Variants in TNKS observed in about 807,000 individuals in gnomAD.
TNKS encodes tankyrase, also known as poly [ADP-ribose] polymerase tankyrase-1.
TNKS carries 72 observed loss-of-function variants against 135.8 expected under a neutral mutation model. The observed-to-expected ratio is 0.53, with a 90% CI of 0.44 to 0.64. TNKS has a LOEUF of 0.64. Among genes scored for constraint, TNKS ranks in the 30% least tolerant of loss-of-function variants. The pLI is 0.00. For synonymous variants in TNKS, 849 were observed against 649.3 expected (o/e 1.31, Z -4.68); for missense variants, 1,769 against 1,674.0 (o/e 1.06, Z -0.99).
rs191579846 is a variant in TNKS, at chr8:9,656,538, T to C, written c.995-23413T>C. 5.3e-5 allele frequency among the ~76,000 whole-genome samples: 8 copies of C among 151,686 alleles called. No homozygotes were observed. In the East Asian group the frequency reaches 1.5e-3, roughly 29 times the overall value. ...GGAAGCCCATCAGACTAACAGCTGA[T>C]CTCTCGGCAGAAACTCTGCAAGCCA... On this transcript the variant is annotated intron_variant, in intron 3 of 26. Coordinates refer to ENST00000310430, the MANE Select transcript of TNKS (RefSeq NM_003747.3).
At chr8:9,598,317 G>T (rs1051522506) in intron 2 of TNKS, among the ~76,000 whole-genome samples, 11 of 152,042 alleles carry the variant, frequency 7.2e-5, no homozygotes, top group Non-Finnish European at 1.3e-4. Flanking sequence ...AAAGTGCTGG[G>T]ATTACAGGTG....
At chr8:9,627,319 C>A (rs979050288) in intron 3 of TNKS, among the ~76,000 whole-genome samples, 1 of 152,136 alleles carries the variant, frequency 6.6e-6, no homozygotes, top group Admixed American at 6.5e-5. Flanking sequence ...TTTCTGTGAG[C>A]CACTCTAGCA....
At chr8:9,649,149 T>G (rs1048424903) in intron 3 of TNKS, among the ~76,000 whole-genome samples, 1 of 152,208 alleles carries the variant, frequency 6.6e-6, no homozygotes, top group African/African-American at 2.4e-5. Flanking sequence ...GCTATACTTG[T>G]TAGATTTTAA....
Position 9,658,063 on chromosome 8 carries a change from C to T in TNKS, c.995-21888C>T, listed in dbSNP as rs1317614134. Among the ~76,000 whole-genome samples, 355 of 87,188 alleles carry T rather than the reference C, an allele frequency of 4.1e-3. 1 individual carries two copies. Among genetic ancestry groups the T allele is most frequent in the Admixed American group, 5.7e-3 (53 of 9,332 alleles). The allele number at this position is 87,188 out of a possible 152,430, so 57.2% of individuals were successfully genotyped here. A position where few individuals can be genotyped will look rare whatever the true frequency, so the allele number is the denominator to read the frequency against. The stretch of plus-strand genomic sequence containing the variant: ...CGATGGGCGGCCGGGCAGAGACGCT[C>T]CTCACTTCCTAGATGTGATGGCGGC... On this transcript the variant is annotated intron_variant, in intron 3 of 26. Transcript: ENST00000310430.
intron 1 of TNKS, among the ~76,000 whole-genome samples, chr8:9,564,420 G>C (rs1797448670): frequency 6.6e-6 from 1 of 152,114 alleles, no homozygotes; most frequent in African/African-American, 2.4e-5. Context: ...AAGTAATCAA[G>C]GAATGTGAAT....
chr8:9,709,533 C>T (rs886340582), intron 9 of TNKS, among the ~76,000 whole-genome samples: 2 of 152,156 alleles, frequency 1.3e-5, no homozygotes, highest in Non-Finnish European at 2.9e-5. Context: ...GGCATATAAA[C>T]GTCTCCTGTA....
chr8:9,670,222 T>C (rs1802212675), intron 3 of TNKS: 1 of 152,182 alleles, frequency 6.6e-6, no homozygotes, highest in South Asian at 2.1e-4. Flanking sequence ...GAAGAAGGCA[T>C]GTTAGTGGTT....
At chr8:9,711,180 G>C (rs929888487) in intron 11 of TNKS, among the ~76,000 whole-genome samples, 1 of 151,978 alleles carries the variant, frequency 6.6e-6, no homozygotes, top group Non-Finnish European at 1.5e-5. Flanking sequence ...AAAAATCCTA[G>C]CATTTCAATT....
intron 11 of TNKS, 161 bp downstream of exon 11, chr8:9,710,381 CTT>C: frequency 1.5e-6 from 1 of 668,334 alleles, no homozygotes; most frequent in Non-Finnish European, 2.6e-6. Context: ...TGATTTAGAT[CTT>C]GTTTCTAATA....
At chr8:9,597,953 A>ATTTT (rs548240107) in intron 2 of TNKS, among the ~76,000 whole-genome samples, 5 of 152,280 alleles carry the variant, frequency 3.3e-5, no homozygotes, top group African/African-American at 1.2e-4. Context: ...AACTCAGTTT[A>ATTTT]TTTTTTTAAT....
chr8:9,561,695 C>T (rs924720107), intron 1 of TNKS, among the ~76,000 whole-genome samples: 3 of 152,082 alleles, frequency 2.0e-5, no homozygotes, highest in African/African-American at 7.2e-5. Flanking sequence ...CACGGATTTT[C>T]TTTCTCTTGG....
At chr8:9,647,402 G>C (rs1391331814) in intron 3 of TNKS, among the ~76,000 whole-genome samples, 1 of 152,158 alleles carries the variant, frequency 6.6e-6, no homozygotes, top group East Asian at 1.9e-4. Flanking sequence ...AGTAACTAGA[G>C]AGTGAAATTG....
chr8:9,589,103 T>C (rs182808134), intron 2 of TNKS, among the ~76,000 whole-genome samples: 10 of 152,282 alleles, frequency 6.6e-5, no homozygotes, highest in East Asian at 3.9e-4. Context: ...ACTGAACCTA[T>C]TGACATGAGA....
intron 3 of TNKS, among the ~76,000 whole-genome samples, chr8:9,640,080 T>C (rs1314818237): frequency 2.0e-5 from 3 of 152,238 alleles, no homozygotes; most frequent in Non-Finnish European, 4.4e-5. Flanking sequence ...TCTGGCAATT[T>C]TGATAGTCTC....
At position 9,590,297 on chromosome 8, in the gene TNKS, C is replaced by G. The variant is rs972183090; in HGVS notation, c.898+9914C>G. Among the ~76,000 whole-genome samples, 8 of 152,118 alleles carry G rather than the reference C, an allele frequency of 5.3e-5. No homozygotes were observed. In the East Asian group the frequency reaches 1.5e-3, roughly 29 times the overall value. ...CTTTTTGTCTCTCTAATGCACCAAACTTGTTCTGCCTGCGGTACTCTTTCC... is the reference window on the plus strand; with the variant it reads ...CTTTTTGTCTCTCTAATGCACCAAAGTTGTTCTGCCTGCGGTACTCTTTCC... On this transcript the variant is annotated intron_variant, in intron 2 of 26. Transcript: ENST00000310430.
At position 9,555,956 on chromosome 8, in the gene TNKS, G is replaced by C; in HGVS notation, c.17G>C (p.Arg6Pro). The part of the protein sequence containing the change: MAASR[R>P]SQHHHHHHQQ... ...AGTCCGAAGATGGCGGCGTCGCGTC[G>C]CTCTCAGCATCATCACCACCATCAT... Residue 6 changes from arginine (R) to proline (P), a missense_variant, in exon 1 of 27, where the codon CGC becomes CCC. By Grantham distance (103) the Arg-to-Pro change is moderately radical. Transcript: ENST00000310430. 6.2e-7 allele frequency: 1 copy of C among 1,612,072 alleles called. No individual in the cohort carries two copies.
chr8:9,641,779 A>G (rs1490703102), intron 3 of TNKS, among the ~76,000 whole-genome samples: 2 of 145,888 alleles, frequency 1.4e-5, no homozygotes, highest in Non-Finnish European at 3.0e-5. Flanking sequence ...GTTTTGTAAA[A>G]GAATTTCTGG....
intron 3 of TNKS, among the ~76,000 whole-genome samples, chr8:9,651,683 G>C (rs1318486475): frequency 6.6e-6 from 1 of 152,194 alleles, no homozygotes; most frequent in Admixed American, 6.5e-5. Context: ...TAGTCAGAAA[G>C]CAAGTCACTA....
intron 5 of TNKS, among the ~76,000 whole-genome samples, chr8:9,690,906 A>G (rs1330150337): frequency 6.6e-6 from 1 of 152,188 alleles, no homozygotes; most frequent in Admixed American, 6.5e-5. Flanking sequence ...GGATTCATAG[A>G]ATCTTACTTG....
Sources: gnomAD v4.1 joint callset for allele counts (sites outside exome capture counted in the v4.1 genomes callset) on GRCh38, gnomAD v4.1.1 for gene constraint, MANE v1.5 for transcripts, NCBI Gene and HGNC (gene_info 2026-07-23, HGNC 2026-07-21) for gene names.